Variants in UGT1A4 observed in about 807,000 individuals in gnomAD.
The protein encoded by UGT1A4 is UDP-glucuronosyltransferase 1A4.
A neutral mutation model predicts 41.1 loss-of-function variants in UGT1A4; 32 were observed. The observed-to-expected ratio is 0.78, with a 90% CI of 0.59 to 1.05. UGT1A4 has a LOEUF of 1.05. Among genes scored for constraint, UGT1A4 ranks in the 50% least tolerant of loss-of-function variants. UGT1A4 has a pLI of 0.00. For missense variants in UGT1A4, 748 were observed against 677.4 expected, an observed-to-expected ratio of 1.10 and a Z score of -1.16; for synonymous variants, 283 against 265.1, an observed-to-expected ratio of 1.07 and a Z score of -0.66.
At chr2:233,760,317 A>G (rs772038779) in intron 1 of UGT1A4, 2 of 1,613,898 alleles carry the variant, frequency 1.2e-6, no homozygotes, top group African/African-American at 2.7e-5. Context: ...GCGGACGCCC[A>G]CTTGTCCTGG....
At chr2:233,761,199 A>G (rs767135825) in intron 1 of UGT1A4, 6 of 1,614,054 alleles carry the variant, frequency 3.7e-6, no homozygotes, top group Admixed American at 1.7e-5. Flanking sequence ...TTTCAGATGT[A>G]TTACTTTGGA....
chr2:233,758,832 A>G (rs1444502307), intron 1 of UGT1A4, among the ~76,000 whole-genome samples: 2 of 152,162 alleles, frequency 1.3e-5, no homozygotes, highest in Non-Finnish European at 2.9e-5. Context: ...CCCCAAAAAG[A>G]GTGTAATACT....
chr2:233,759,409 G>T (rs548037824), intron 1 of UGT1A4, among the ~76,000 whole-genome samples: 1 of 152,164 alleles, frequency 6.6e-6, no homozygotes, highest in African/African-American at 2.4e-5. Context: ...GTGACCTGTA[G>T]TAAGCAAAGG....
At chr2:233,764,941 C>T (rs937605699) in intron 1 of UGT1A4, among the ~76,000 whole-genome samples, 2 of 152,052 alleles carry the variant, frequency 1.3e-5, no homozygotes, top group Admixed American at 6.5e-5. Flanking sequence ...GTGAGAGTGG[C>T]GGGGAGAGAG....
intron 1 of UGT1A4, among the ~76,000 whole-genome samples, chr2:233,756,911 G>A (rs1386201221): frequency 6.6e-6 from 1 of 152,014 alleles, no homozygotes; most frequent in African/African-American, 2.4e-5. Flanking sequence ...ACAAACTTCT[G>A]AGTTTATATA....
Position 233,743,740 on chromosome 2 carries a change from G to C in UGT1A4, c.868-23294G>C, listed in dbSNP as rs370997418. The C allele has an allele frequency of 1.2e-4, 170 of 1,367,378 alleles. 1 individual carries two copies. The highest frequency in any genetic ancestry group is 2.3e-4 in the South Asian group (20 of 88,054). The allele number at this position is 1,367,378 out of a possible 1,614,324, so 84.7% of individuals were successfully genotyped here. ...AGCGGTCATAGATATCGCGTTTCTTGGCGTCCGACAACACCTCGTAGGCCT... is the reference window on the plus strand; with the variant it reads ...AGCGGTCATAGATATCGCGTTTCTTCGCGTCCGACAACACCTCGTAGGCCT... On this transcript the variant is annotated intron_variant, in intron 1 of 4. Coordinates refer to ENST00000373409, the MANE Select transcript of UGT1A4 (RefSeq NM_007120.3).
chr2:233,756,202 C>T (rs540523452), intron 1 of UGT1A4: 9 of 152,318 alleles, frequency 5.9e-5, no homozygotes, highest in African/African-American at 1.7e-4. Flanking sequence ...AGAGTAGTCC[C>T]TGGTATTCTG....
chr2:233,759,780 G>C (rs1697251948), intron 1 of UGT1A4, among the ~76,000 whole-genome samples: 1 of 152,286 alleles, frequency 6.6e-6, no homozygotes, highest in South Asian at 2.1e-4. Context: ...TTGGACGAAG[G>C]AATGAAACAC....
chr2:233,772,803 T>C lies in UGT1A4; in HGVS notation c.*244T>C. On this transcript the variant is annotated 3_prime_UTR_variant, in exon 5 of 5. Transcript: ENST00000373409. The stretch of plus-strand genomic sequence containing the variant: ...TTGATCAGGATGACATGTGCCATTT[T>C]TCAGAGGACGTGCAGACAGGCTGGC... 8.8e-7 allele frequency: 1 copy of C among 1,134,554 alleles called. No homozygotes were observed. Among genetic ancestry groups the C allele is most frequent in the Non-Finnish European group, 1.2e-6 (1 of 843,778 alleles). The allele number at this position is 1,134,554 out of a possible 1,614,324, so 70.3% of individuals were successfully genotyped here.
intron 1 of UGT1A4, among the ~76,000 whole-genome samples, chr2:233,766,453 G>C (rs1699157656): frequency 6.6e-6 from 1 of 152,214 alleles, no homozygotes; most frequent in Non-Finnish European, 1.5e-5. Context: ...TGCCTGCTAG[G>C]GTCTTGGGGT....
chr2:233,766,902 T>C, intron 1 of UGT1A4, 132 bp from the exon 2 acceptor site: 1 of 1,493,390 alleles, frequency 6.7e-7, no homozygotes, highest in Non-Finnish European at 8.9e-7. Flanking sequence ...ATTAATAATT[T>C]TTTACTCTAT....
rs754634228 is a variant in UGT1A4, at chr2:233,718,864, G to T, written c.44G>T (p.Gly15Val). Residue 15 changes from glycine to valine, a missense_variant, in exon 1 of 5, where the codon GGA becomes GTA. By Grantham distance (109) the Gly-to-Val change is moderately radical. Coordinates refer to ENST00000373409, the MANE Select transcript of UGT1A4 (RefSeq NM_007120.3). ...GTTCCCCTGCCGCGGCTGGCCACAG[G>T]ACTGCTGCTCCTCCTCAGTGTCCAG... ...LQVPLPRLAT[G>V]LLLLLSVQPW... is the part of the protein sequence containing the mutation. 1 of 1,613,858 alleles carries T rather than the reference G, an allele frequency of 6.2e-7. No homozygotes were observed. The highest frequency in any genetic ancestry group is 2.2e-5 in the East Asian group (1 of 44,890).
At chr2:233,760,877 T>C in intron 1 of UGT1A4, 1 of 1,614,134 alleles carries the variant, frequency 6.2e-7, no homozygotes, top group South Asian at 1.1e-5. Flanking sequence ...CCCAGGCCTC[T>C]CTCCTCTCAT....
chr2:233,748,554 C>G (rs1045487950), intron 1 of UGT1A4, among the ~76,000 whole-genome samples: 1 of 151,692 alleles, frequency 6.6e-6, no homozygotes, highest in African/African-American at 2.4e-5. Context: ...CCTAAGCACT[C>G]GCAGGAAGTA....
intron 1 of UGT1A4, chr2:233,747,635 G>C: frequency 7.6e-6 from 12 of 1,581,768 alleles, no homozygotes; most frequent in Non-Finnish European, 1.0e-5. Context: ...TCAGGCACCT[G>C]AATGCTACTT....
intron 1 of UGT1A4, among the ~76,000 whole-genome samples, chr2:233,723,234 T>C (rs1308152593): frequency 3.2e-4 from 38 of 117,916 alleles, no homozygotes; most frequent in African/African-American, 1.4e-3. Context: ...TTTTTTGAGT[T>C]GGAGTCCTGC....
At chr2:233,736,540 G>T (rs7564935) in intron 1 of UGT1A4, among the ~76,000 whole-genome samples, 55,271 of 152,042 alleles carry the variant, frequency 0.36, 10,225 homozygotes, top group African/African-American at 0.41. Context: ...TCTCTTTCCA[G>T]CTTTGCTCCA....
At chr2:233,730,142 AC>A in intron 1 of UGT1A4, 1 of 1,517,928 alleles carries the variant, frequency 6.6e-7, no homozygotes, top group East Asian at 2.4e-5. Context: ...AGTGAGATAA[AC>A]TGTTAAGGGG....
intron 1 of UGT1A4, among the ~76,000 whole-genome samples, chr2:233,746,241 G>A (rs1177862804): frequency 6.6e-6 from 1 of 151,746 alleles, no homozygotes; most frequent in African/African-American, 2.4e-5. Context: ...ACTGCTAAAA[G>A]ATACAAGGCA....
Sources: gnomAD v4.1 joint callset for allele counts (sites outside exome capture counted in the v4.1 genomes callset) on GRCh38, gnomAD v4.1.1 for gene constraint, MANE v1.5 for transcripts, NCBI Gene and HGNC (gene_info 2026-07-23, HGNC 2026-07-21) for gene names.